The following MDGA2 variants were observed in gnomAD, a reference collection of about 807,000 sequenced individuals.
MDGA2 encodes MAM domain-containing glycosylphosphatidylinositol anchor protein 2.
A neutral mutation model predicts 117.8 loss-of-function variants in MDGA2; 40 were observed. The observed-to-expected ratio is 0.34, with a 90% CI of 0.26 to 0.44. The LOEUF is 0.44. Among genes scored for constraint, MDGA2 ranks in the 20% least tolerant of loss-of-function variants. The probability of loss-of-function intolerance (pLI) is 1.00; values close to 1 mark genes in which losing one functional copy is unlikely to be tolerated. For synonymous variants in MDGA2, 452 were observed against 439.0 expected, an observed-to-expected ratio of 1.03 and a Z score of -0.37; for missense variants, 1,123 against 1,250.6, an observed-to-expected ratio of 0.90 and a Z score of 1.54.
At chr14:47,664,543 G>A (rs1272946360) in intron 1 of MDGA2, among the ~76,000 whole-genome samples, 1 of 152,210 alleles carries the variant, frequency 6.6e-6, no homozygotes, top group Non-Finnish European at 1.5e-5. Context: ...TGGAAACTGA[G>A]GGATAGAGAT....
At chr14:46,925,135 T>G (rs1249617489) in intron 9 of MDGA2, among the ~76,000 whole-genome samples, 1 of 152,212 alleles carries the variant, frequency 6.6e-6, no homozygotes, top group Non-Finnish European at 1.5e-5. Flanking sequence ...CTTTTGATAC[T>G]GCTGGAGTGC....
chr14:47,619,459 A>G (rs192769632), intron 1 of MDGA2, among the ~76,000 whole-genome samples: 1 of 152,320 alleles, frequency 6.6e-6, no homozygotes, highest in Non-Finnish European at 1.5e-5. Flanking sequence ...GGTAAGTCAA[A>G]GTCTTCATAC....
At chr14:47,589,422 A>G (rs1394181294) in intron 1 of MDGA2, among the ~76,000 whole-genome samples, 1 of 152,022 alleles carries the variant, frequency 6.6e-6, no homozygotes, top group Non-Finnish European at 1.5e-5. Flanking sequence ...TCCCAGTACC[A>G]TTATTAGTTC....
At chr14:47,058,808 G>A (rs1342456345) in intron 7 of MDGA2, 1 of 985,432 alleles carries the variant, frequency 1.0e-6, no homozygotes, top group Non-Finnish European at 1.2e-6. Flanking sequence ...TCTTCTGTAG[G>A]CCTTCTATCA....
At chr14:47,080,147 A>G (rs1399543192) in intron 6 of MDGA2, among the ~76,000 whole-genome samples, 1 of 152,206 alleles carries the variant, frequency 6.6e-6, no homozygotes, top group Admixed American at 6.5e-5. Context: ...CTGAATGCCA[A>G]TTACATAATT....
intron 1 of MDGA2, chr14:47,343,026 A>T: frequency 7.9e-7 from 1 of 1,265,516 alleles, no homozygotes; most frequent in Non-Finnish European, 1.0e-6. Flanking sequence ...ACAGAGTGGG[A>T]GAAGCAGGCA....
At chr14:46,942,844 C>T (rs950856794) in intron 9 of MDGA2, among the ~76,000 whole-genome samples, 1 of 152,050 alleles carries the variant, frequency 6.6e-6, no homozygotes, top group Non-Finnish European at 1.5e-5. Flanking sequence ...ACAAATGAAG[C>T]TGATATTAAA....
intron 2 of MDGA2, among the ~76,000 whole-genome samples, chr14:47,245,006 C>T (rs536421970): frequency 5.3e-5 from 7 of 132,382 alleles, no homozygotes; most frequent in Non-Finnish European, 1.0e-4. Context: ...TTCCACATGA[C>T]TCTCTTTTCA....
intron 1 of MDGA2, among the ~76,000 whole-genome samples, chr14:47,385,947 C>A (rs1238569272): frequency 6.6e-6 from 1 of 152,026 alleles, no homozygotes; most frequent in South Asian, 2.1e-4. Context: ...ATTAAGGAAA[C>A]CTATATCATA....
chr14:46,964,759 G>A (rs77689938), intron 8 of MDGA2, among the ~76,000 whole-genome samples: 2,350 of 152,182 alleles, frequency 0.015, 28 homozygotes, highest in Non-Finnish European at 0.024. Flanking sequence ...AGTGAATACA[G>A]TCTTTGCTGT....
At chr14:47,453,755 T>C (rs1368006857) in intron 1 of MDGA2, among the ~76,000 whole-genome samples, 2 of 152,206 alleles carry the variant, frequency 1.3e-5, no homozygotes, top group Non-Finnish European at 2.9e-5. Flanking sequence ...TTATCTGAAA[T>C]TCTTTGTTAA....
At chr14:47,262,703 A>T (rs11627021) in intron 2 of MDGA2, among the ~76,000 whole-genome samples, 37,991 of 152,102 alleles carry the variant, frequency 0.25, 4,896 homozygotes, top group South Asian at 0.33. Flanking sequence ...ACAGAACAGG[A>T]AAGTTAAGAC....
In MDGA2 at chr14:47,122,800, A is replaced by G. The variant is rs1031966762; in HGVS notation, c.925+8914T>C. On this transcript the variant is annotated intron_variant, in intron 5 of 16. Transcript: ENST00000399232. ...TCTGAAAAGAACCAAGCTGTGGTCT[A>G]CAAATCCATAATCTAGCAAGTTTGA... Among the ~76,000 whole-genome samples, 9 of 152,088 alleles carry G rather than the reference A, an allele frequency of 5.9e-5. 1 individual carries two copies. In the East Asian group the frequency reaches 1.2e-3, roughly 20 times the overall value.
intron 1 of MDGA2, among the ~76,000 whole-genome samples, chr14:47,393,253 C>T (rs1378091467): frequency 6.6e-6 from 1 of 151,608 alleles, no homozygotes; most frequent in African/African-American, 2.4e-5. Context: ...TCTTTCACAT[C>T]GATGAGAATC....
chr14:47,482,762 C>T (rs1893979892), intron 1 of MDGA2, among the ~76,000 whole-genome samples: 1 of 151,788 alleles, frequency 6.6e-6, no homozygotes, highest in African/African-American at 2.4e-5. Flanking sequence ...ATCAGAGAGA[C>T]TTATTAGGAG....
At chr14:47,158,130 T>G (rs1448089028) in intron 3 of MDGA2, among the ~76,000 whole-genome samples, 1 of 152,144 alleles carries the variant, frequency 6.6e-6, no homozygotes, top group Non-Finnish European at 1.5e-5. Flanking sequence ...CACATTTTTA[T>G]TGTAGTTTTT....
chr14:47,437,818 G>A (rs183591463), intron 1 of MDGA2, among the ~76,000 whole-genome samples: 8 of 152,286 alleles, frequency 5.3e-5, no homozygotes, highest in African/African-American at 1.9e-4. Flanking sequence ...CATATCCACT[G>A]TAGGAGTAAT....
At chr14:47,580,286 T>A (rs1025956725) in intron 1 of MDGA2, among the ~76,000 whole-genome samples, 1 of 151,938 alleles carries the variant, frequency 6.6e-6, no homozygotes, top group African/African-American at 2.4e-5. Flanking sequence ...TCCTCATAGA[T>A]TTTTGCCTTC....
chr14:47,206,024 C>T (rs1885669763), intron 3 of MDGA2, among the ~76,000 whole-genome samples: 1 of 151,972 alleles, frequency 6.6e-6, no homozygotes, highest in African/African-American at 2.4e-5. Context: ...CATTGTTTTG[C>T]AGATCTCAGT....
Sources: gnomAD v4.1 joint callset for allele counts (sites outside exome capture counted in the v4.1 genomes callset) on GRCh38, gnomAD v4.1.1 for gene constraint, MANE v1.5 for transcripts, NCBI Gene and HGNC (gene_info 2026-07-23, HGNC 2026-07-21) for gene names.